Variants in ATP8A1 observed in about 807,000 individuals in gnomAD.
ATP8A1 encodes the protein ATPase phospholipid transporting 8A1, also known as phospholipid-transporting ATPase IA.
In ATP8A1, 90 loss-of-function variants were observed where a neutral mutation model predicts 177.7. The observed-to-expected ratio is 0.51, with a 90% CI of 0.43 to 0.60. The LOEUF (loss-of-function observed/expected upper bound fraction) is 0.60, where lower values mean the gene tolerates loss of function less well. Ranked by LOEUF, ATP8A1 falls within the 20% of genes least tolerant of loss-of-function variation. The pLI is 0.00. For missense variants in ATP8A1, 1,072 were observed against 1,392.8 expected (o/e 0.77, Z 3.67); for synonymous variants, 493 against 485.9 (o/e 1.01, Z -0.19).
At chr4:42,598,740 G>A (rs1212817496) in intron 6 of ATP8A1, among the ~76,000 whole-genome samples, 1 of 152,076 alleles carries the variant, frequency 6.6e-6, no homozygotes, top group East Asian at 1.9e-4. Context: ...TAGGCCACTG[G>A]GAATGAGACC....
intron 15 of ATP8A1, among the ~76,000 whole-genome samples, chr4:42,568,412 C>T (rs1412117341): frequency 6.6e-6 from 1 of 151,868 alleles, no homozygotes; most frequent in Non-Finnish European, 1.5e-5. Context: ...CTAAAGTTAC[C>T]AACATTAAAG....
At chr4:42,555,178 CTAT>C (rs1730055617) in intron 16 of ATP8A1, among the ~76,000 whole-genome samples, 1 of 135,622 alleles carries the variant, frequency 7.4e-6, no homozygotes, top group African/African-American at 3.0e-5. Flanking sequence ...ATCTATCTAT[CTAT>C]CTATCTATCT....
intron 20 of ATP8A1, among the ~76,000 whole-genome samples, chr4:42,537,812 ATGT>A (rs1727998715): frequency 6.6e-6 from 1 of 152,202 alleles, no homozygotes; most frequent in East Asian, 1.9e-4. Context: ...GGTACAATCA[ATGT>A]TGTAAAAATG....
chr4:42,588,376 A>G (rs1264805351), intron 7 of ATP8A1, 47 bp from the exon 8 acceptor site: 1 of 1,480,730 alleles, frequency 6.8e-7, no homozygotes, highest in East Asian at 2.3e-5. Flanking sequence ...CGGGAAGAAA[A>G]GCATAATAAT....
intron 32 of ATP8A1, among the ~76,000 whole-genome samples, chr4:42,443,886 C>T (rs1362415415): frequency 6.6e-6 from 1 of 152,112 alleles, no homozygotes; most frequent in African/African-American, 2.4e-5. Flanking sequence ...ACTGGAATTT[C>T]GAACTGTTCC....
intron 25 of ATP8A1, among the ~76,000 whole-genome samples, chr4:42,481,652 T>C (rs1035644819): frequency 3.3e-5 from 5 of 152,238 alleles, no homozygotes; most frequent in Non-Finnish European, 7.3e-5. Flanking sequence ...GCTGTATCCA[T>C]AAATCTCCAT....
chr4:42,615,470 G>A (rs1736808737), intron 5 of ATP8A1, among the ~76,000 whole-genome samples: 1 of 151,998 alleles, frequency 6.6e-6, no homozygotes, highest in Admixed American at 6.6e-5. Context: ...AAATCTTAGA[G>A]CATGATGGCG....
chr4:42,625,381 A>C, intron 3 of ATP8A1: 2 of 331,658 alleles, frequency 6.0e-6, no homozygotes, highest in Non-Finnish European at 5.6e-6. Context: ...TTACCACCCA[A>C]AATGAACAGT....
chr4:42,459,364 T>C (rs1718837621), intron 27 of ATP8A1: 1 of 173,458 alleles, frequency 5.8e-6, no homozygotes, highest in South Asian at 1.1e-4. Flanking sequence ...TTTGTCTACT[T>C]TATTGCTGTC....
At chr4:42,494,044 C>CA (rs963496826) in intron 24 of ATP8A1, among the ~76,000 whole-genome samples, 2 of 141,628 alleles carry the variant, frequency 1.4e-5, no homozygotes, top group African/African-American at 5.2e-5. Flanking sequence ...TCTACTAAAA[C>CA]AAAAAAATTA....
rs1577724323 is a variant in ATP8A1, at chr4:42,624,704, A to C, written c.265-70T>G. 6 of 793,564 alleles carry C rather than the reference A, an allele frequency of 7.6e-6. No homozygotes were observed. In the East Asian group the frequency reaches 1.8e-4, roughly 23 times the overall value. 49.2% of individuals were successfully genotyped at this position (793,564 alleles called of 1,614,324 possible). A position where few individuals can be genotyped will look rare whatever the true frequency, so the allele number is the denominator to read the frequency against. On this transcript the variant is annotated intron_variant, in intron 3 of 36. Coordinates refer to ENST00000381668, the MANE Select transcript of ATP8A1 (RefSeq NM_006095.2). ...AAATTTATAATAGATTCAAGAAAAC[A>C]GTCTCAGTGCCTTCTAAAATATGCC...
At chr4:42,644,446 A>G (rs1303267018) in intron 1 of ATP8A1, among the ~76,000 whole-genome samples, 2 of 152,226 alleles carry the variant, frequency 1.3e-5, no homozygotes, top group African/African-American at 4.8e-5. Flanking sequence ...CAACCTCTAC[A>G]AGATCAAATT....
intron 4 of ATP8A1, among the ~76,000 whole-genome samples, chr4:42,624,163 A>C (rs1737798271): frequency 6.6e-6 from 1 of 152,014 alleles, no homozygotes; most frequent in South Asian, 2.1e-4. Flanking sequence ...CATTTAATAA[A>C]ATGAAATTTA....
chr4:42,544,088 A>C, intron 19 of ATP8A1, 102 bp from the exon 20 acceptor site: 1 of 920,140 alleles, frequency 1.1e-6, no homozygotes, highest in Middle Eastern at 2.2e-4. Context: ...AAAAAAATAA[A>C]TCTGACCAAA....
intron 25 of ATP8A1, among the ~76,000 whole-genome samples, chr4:42,466,095 G>A (rs1719736069): frequency 7.2e-6 from 1 of 139,580 alleles, no homozygotes; most frequent in Non-Finnish European, 1.5e-5. Context: ...AGGGTTCAAA[G>A]ACAGAATGCA....
At chr4:42,498,554 T>C (rs565950194) in intron 24 of ATP8A1, among the ~76,000 whole-genome samples, 2 of 152,302 alleles carry the variant, frequency 1.3e-5, no homozygotes, top group Admixed American at 6.5e-5. Flanking sequence ...CTGGTATCCA[T>C]AATCAAACCT....
intron 24 of ATP8A1, among the ~76,000 whole-genome samples, chr4:42,501,213 T>C (rs116293507): frequency 0.02 from 3,016 of 152,352 alleles, 43 homozygotes; most frequent in Middle Eastern, 0.044. Flanking sequence ...AGTATTTTCT[T>C]ATAACAAAAA....
At chr4:42,627,549 A>T (rs1211213076) in intron 1 of ATP8A1, among the ~76,000 whole-genome samples, 2 of 152,218 alleles carry the variant, frequency 1.3e-5, no homozygotes, top group African/African-American at 4.8e-5. Context: ...AGAAAAGATA[A>T]ATAGTAAGGT....
At chr4:42,522,447 CTT>C (rs1726229968) in intron 21 of ATP8A1, 148 bp from the exon 22 acceptor site, 3 of 960,022 alleles carry the variant, frequency 3.1e-6, no homozygotes, top group Admixed American at 2.8e-5. Flanking sequence ...ATGACAAAAA[CTT>C]AGTATAAAAT....
Sources: allele counts gnomAD v4.1 joint callset (sites outside exome capture counted in the v4.1 genomes callset), GRCh38; gene constraint gnomAD v4.1.1; transcripts MANE v1.5; gene names NCBI Gene and HGNC (gene_info 2026-07-23, HGNC 2026-07-21).